CBFA2T2: variants seen among roughly 807,000 people sequenced by gnomAD.
The protein encoded by CBFA2T2 is CBFA2/RUNX1 partner transcriptional co-repressor 2.
A neutral mutation model predicts 62.2 loss-of-function variants in CBFA2T2; 11 were observed. That is an observed-to-expected ratio of 0.18 (90% CI 0.11 to 0.29). The LOEUF (loss-of-function observed/expected upper bound fraction) is 0.29, where lower values mean the gene tolerates loss of function less well. CBFA2T2 is among the 10% of genes least tolerant of loss of function. The pLI is 1.00. For missense variants in CBFA2T2, 592 were observed against 774.1 expected (o/e 0.76, Z 2.79); for synonymous variants, 295 against 287.5 (o/e 1.03, Z -0.27).
intron 1 of CBFA2T2, among the ~76,000 whole-genome samples, chr20:33,567,968 A>G (rs2013408421): frequency 1.3e-5 from 2 of 152,204 alleles, no homozygotes; most frequent in South Asian, 4.1e-4. Flanking sequence ...GGTTTCAGGC[A>G]TCCGCTGGGG....
At chr20:33,541,705 C>G (rs898256710) in intron 1 of CBFA2T2, among the ~76,000 whole-genome samples, 1 of 152,218 alleles carries the variant, frequency 6.6e-6, no homozygotes, top group Non-Finnish European at 1.5e-5. Flanking sequence ...TCAAAATTCT[C>G]CTAACTTTTC....
chr20:33,551,077 C>T (rs189393593), intron 1 of CBFA2T2, among the ~76,000 whole-genome samples: 27 of 152,200 alleles, frequency 1.8e-4, no homozygotes, highest in South Asian at 6.2e-4. Flanking sequence ...GCTCATTCGA[C>T]GGAAGTGTTC....
intron 10 of CBFA2T2, among the ~76,000 whole-genome samples, chr20:33,644,076 G>A (rs2016962002): frequency 6.6e-6 from 1 of 151,794 alleles, no homozygotes; most frequent in Non-Finnish European, 1.5e-5. Flanking sequence ...GGCTGGTGCT[G>A]TGTAAGGTAT....
At chr20:33,613,614 C>T (rs2015602876) in intron 3 of CBFA2T2, among the ~76,000 whole-genome samples, 1 of 152,190 alleles carries the variant, frequency 6.6e-6, no homozygotes, top group Admixed American at 6.5e-5. Flanking sequence ...CTTTGCCTAG[C>T]ACCTGCCAAA....
At chr20:33,548,268 A>G (rs1321959335) in intron 1 of CBFA2T2, among the ~76,000 whole-genome samples, 1 of 148,792 alleles carries the variant, frequency 6.7e-6, no homozygotes, top group Non-Finnish European at 1.5e-5. Flanking sequence ...TTTTTTTGAG[A>G]TGGAGTCTAC....
intron 1 of CBFA2T2, among the ~76,000 whole-genome samples, chr20:33,583,143 G>A (rs1192352180): frequency 1.3e-5 from 2 of 152,104 alleles, no homozygotes; most frequent in African/African-American, 4.8e-5. Flanking sequence ...TTATTTCAGT[G>A]GAGAAGTAGA....
intron 1 of CBFA2T2, among the ~76,000 whole-genome samples, chr20:33,594,672 G>A (rs1314794685): frequency 6.6e-6 from 1 of 151,624 alleles, no homozygotes; most frequent in Non-Finnish European, 1.5e-5. Context: ...CCTGTCTCCC[G>A]AAAAAAAAGT....
Position 33,648,564 on chromosome 20 carries a change from G to C in CBFA2T2, c.*3918G>C, listed in dbSNP as rs930080961. 1 of 152,248 alleles carries C rather than the reference G, an allele frequency of 6.6e-6. No homozygotes were observed. The highest frequency in any genetic ancestry group is 6.5e-5 in the Admixed American group (1 of 15,286). The allele number at this position is 152,248 out of a possible 1,614,324, so 9.4% of individuals were successfully genotyped here. A position where few individuals can be genotyped will look rare whatever the true frequency, so the allele number is the denominator to read the frequency against. On this transcript the variant is annotated 3_prime_UTR_variant, in exon 11 of 11. Transcript: ENST00000342704. The stretch of plus-strand genomic sequence containing the variant: ...GGAGGTGGGGGCACTCCACACTGGG[G>C]GGCCCTGCAGCTCCAGGGCTGGTGC...
chr20:33,493,743 T>C (rs1600892645), intron 1 of CBFA2T2, among the ~76,000 whole-genome samples: 1 of 150,578 alleles, frequency 6.6e-6, no homozygotes, highest in East Asian at 2.0e-4. Context: ...GCTGCAGCGA[T>C]CCTCCTGCCT....
intron 1 of CBFA2T2, among the ~76,000 whole-genome samples, chr20:33,495,929 T>G (rs141078511): frequency 5.3e-5 from 8 of 152,322 alleles, no homozygotes; most frequent in African/African-American, 1.7e-4. Flanking sequence ...GTAAAGTACT[T>G]AAAACCGTGC....
intron 1 of CBFA2T2, 147 bp downstream of exon 1, chr20:33,490,448 G>A: frequency 3.5e-6 from 3 of 869,432 alleles, no homozygotes; most frequent in Middle Eastern, 4.0e-4. Context: ...GTCACGCAGC[G>A]GGGCGGGCCT....
rs935447821 is a variant in CBFA2T2, at chr20:33,534,050, A to G, written c.34+43749A>G. Among the ~76,000 whole-genome samples, 3 of 152,144 alleles carry G rather than the reference A, an allele frequency of 2.0e-5. No individual in the cohort carries two copies. In the East Asian group the frequency reaches 5.8e-4, roughly 29 times the overall value. On this transcript the variant is annotated intron_variant, in intron 1 of 10. Transcript: ENST00000342704. ...GGGGTTCGAGCCCAGGCTAGTCTTG[A>G]ACTCCTGGGCTCTAGTGATACTCCT...
intron 1 of CBFA2T2, among the ~76,000 whole-genome samples, chr20:33,498,598 T>C (rs968153215): frequency 2.6e-5 from 4 of 151,748 alleles, no homozygotes; most frequent in Non-Finnish European, 4.4e-5. Context: ...AGCAGAGAGG[T>C]TGGGCGTGAT....
intron 1 of CBFA2T2, among the ~76,000 whole-genome samples, chr20:33,581,029 C>T (rs1386333542): frequency 3.3e-5 from 5 of 151,886 alleles, no homozygotes; most frequent in Admixed American, 6.6e-5. Context: ...CTCCCCTCCC[C>T]GTCCTGTCCA....
At position 33,644,636 on chromosome 20, in the gene CBFA2T2, ACGGACTCTGAGCCC is replaced by A; in HGVS notation, c.1788_*13del. 1 of 1,603,338 alleles carries A rather than the reference ACGGACTCTGAGCCC, an allele frequency of 6.2e-7. No individual in the cohort carries two copies. On this transcript the variant is annotated stop_lost and 3_prime_UTR_variant, in exon 11 of 11. Transcript: ENST00000342704. ...GCTTCTGTGACAGCTATCGACACCA[ACGGACTCTGAGCCC>A]CGGACTCTGCTTACCCTGATGGCTG...
chr20:33,505,150 T>G lies in CBFA2T2; in HGVS notation c.34+14849T>G, dbSNP rs115992133. On this transcript the variant is annotated intron_variant, in intron 1 of 10. Coordinates refer to ENST00000342704, the MANE Select transcript of CBFA2T2 (RefSeq NM_001032999.3). ...TTTACTCACTGTCACACGGCTAGAA[T>G]GTGAGAGTGTGGCTTTTTGGATTTG... is the stretch of plus-strand genomic sequence containing the variant. 3.7e-3 allele frequency among the ~76,000 whole-genome samples: 561 copies of G among 152,314 alleles called. 4 individuals are homozygous for G. The highest frequency in any genetic ancestry group is 0.013 in the African/African-American group (538 of 41,562).
At chr20:33,512,973 C>T (rs1238957076) in intron 1 of CBFA2T2, among the ~76,000 whole-genome samples, 3 of 152,044 alleles carry the variant, frequency 2.0e-5, no homozygotes, top group African/African-American at 4.8e-5. Flanking sequence ...AGGATGGTCT[C>T]GATCTCCTGA....
chr20:33,502,711 G>A (rs1179900704), intron 1 of CBFA2T2, among the ~76,000 whole-genome samples: 1 of 149,996 alleles, frequency 6.7e-6, no homozygotes, highest in African/African-American at 2.4e-5. Context: ...CCTAGTTTCT[G>A]CTCTTCTTAC....
intron 8 of CBFA2T2, among the ~76,000 whole-genome samples, chr20:33,634,311 T>C (rs1014520382): frequency 1.3e-5 from 2 of 152,148 alleles, no homozygotes; most frequent in Non-Finnish European, 2.9e-5. Flanking sequence ...GCTATCAGTT[T>C]TTCCTCAGAA....
Sources: allele counts gnomAD v4.1 joint callset (sites outside exome capture counted in the v4.1 genomes callset), GRCh38; gene constraint gnomAD v4.1.1; transcripts MANE v1.5; gene names NCBI Gene and HGNC (gene_info 2026-07-23, HGNC 2026-07-21).